The following WDR7 variants were observed in gnomAD, a reference collection of about 807,000 sequenced individuals.
The protein encoded by WDR7 is WD repeat domain 7.
Under a neutral mutation model 169.4 loss-of-function variants are expected in WDR7, and 46 were observed. The ratio of observed to expected loss-of-function variants is 0.27; its 90% CI spans 0.21 to 0.35. The LOEUF (loss-of-function observed/expected upper bound fraction) is 0.35. Ranked by LOEUF, WDR7 falls within the 10% of genes least tolerant of loss-of-function variation. The probability of loss-of-function intolerance (pLI) is 1.00; values close to 1 mark genes in which losing one functional copy is unlikely to be tolerated. For missense variants in WDR7, 1,534 were observed against 1,859.3 expected, an observed-to-expected ratio of 0.83 and a Z score of 3.22; for synonymous variants, 612 against 666.8, an observed-to-expected ratio of 0.92 and a Z score of 1.27.
At chr18:56,782,892 G>A (rs1385269318) in intron 19 of WDR7, among the ~76,000 whole-genome samples, 2 of 152,094 alleles carry the variant, frequency 1.3e-5, no homozygotes, top group African/African-American at 2.4e-5. Context: ...GATGATAATA[G>A]GACTTTATAG....
intron 26 of WDR7, among the ~76,000 whole-genome samples, chr18:56,976,613 A>G (rs940973464): frequency 2.6e-5 from 4 of 152,200 alleles, no homozygotes; most frequent in Admixed American, 2.6e-4. Flanking sequence ...CTTTGGCAGG[A>G]CCACCTCAGG....
At chr18:56,997,659 T>TA (rs1234718251) in intron 26 of WDR7, among the ~76,000 whole-genome samples, 2 of 152,210 alleles carry the variant, frequency 1.3e-5, no homozygotes, top group African/African-American at 4.8e-5. Context: ...TCACTCCTTG[T>TA]AAAAAATATA....
At chr18:56,798,093 T>C (rs2044614526) in intron 19 of WDR7, among the ~76,000 whole-genome samples, 1 of 152,206 alleles carries the variant, frequency 6.6e-6, no homozygotes, top group Non-Finnish European at 1.5e-5. Flanking sequence ...GATGATAATA[T>C]TTCCCTGGTT....
At chr18:56,944,662 C>T (rs1568279705) in intron 25 of WDR7, among the ~76,000 whole-genome samples, 2 of 152,246 alleles carry the variant, frequency 1.3e-5, no homozygotes, top group East Asian at 1.9e-4. Context: ...GTTAAAACTT[C>T]CGATGTCATC....
chr18:56,684,669 A>G (rs931787527), intron 5 of WDR7, among the ~76,000 whole-genome samples: 2 of 152,136 alleles, frequency 1.3e-5, no homozygotes, highest in Non-Finnish European at 2.9e-5. Context: ...GGAATAGTGG[A>G]TGCACTGGCT....
At chr18:56,968,340 A>G (rs1047717350) in intron 26 of WDR7, among the ~76,000 whole-genome samples, 1 of 152,202 alleles carries the variant, frequency 6.6e-6, no homozygotes, top group African/African-American at 2.4e-5. Context: ...TTAAAAATAT[A>G]ATATGACATG....
At chr18:56,827,075 G>A (rs770679968) in intron 20 of WDR7, among the ~76,000 whole-genome samples, 4 of 152,166 alleles carry the variant, frequency 2.6e-5, no homozygotes, top group Admixed American at 6.5e-5. Flanking sequence ...CGCTTATTGC[G>A]GAGGTGGAGA....
At chr18:56,881,008 C>T (rs967365780) in intron 21 of WDR7, among the ~76,000 whole-genome samples, 1 of 152,066 alleles carries the variant, frequency 6.6e-6, no homozygotes, top group Non-Finnish European at 1.5e-5. Context: ...GAACAAAATG[C>T]AATAGATCCT....
chr18:56,956,826 C>T (rs1026602635), intron 25 of WDR7, among the ~76,000 whole-genome samples: 2 of 152,078 alleles, frequency 1.3e-5, no homozygotes, highest in African/African-American at 4.8e-5. Flanking sequence ...CATGCATATC[C>T]TGCAGACTGT....
intron 13 of WDR7, among the ~76,000 whole-genome samples, chr18:56,728,595 A>G (rs1300438277): frequency 6.6e-6 from 1 of 152,080 alleles, no homozygotes. Context: ...AAAGCTGCCT[A>G]CCTGCATAGA....
intron 25 of WDR7, among the ~76,000 whole-genome samples, chr18:56,952,363 T>C (rs1224670260): frequency 6.6e-6 from 1 of 152,206 alleles, no homozygotes; most frequent in Non-Finnish European, 1.5e-5. Flanking sequence ...AATATTAAAA[T>C]TTTTGCGTAG....
chr18:56,792,337 A>G (rs1475440140), intron 19 of WDR7, among the ~76,000 whole-genome samples: 4 of 152,288 alleles, frequency 2.6e-5, no homozygotes, highest in South Asian at 2.1e-4. Context: ...CTAATGATAT[A>G]TAAGTGATCA....
chr18:56,825,675 CAT>C (rs923586645), intron 20 of WDR7, among the ~76,000 whole-genome samples: 2 of 152,104 alleles, frequency 1.3e-5, no homozygotes, highest in Admixed American at 1.3e-4. Flanking sequence ...AAAAGAAACA[CAT>C]ATATTATGAC....
chr18:56,988,509 C>T (rs1007018769), intron 26 of WDR7, among the ~76,000 whole-genome samples: 10 of 151,552 alleles, frequency 6.6e-5, no homozygotes, highest in African/African-American at 1.7e-4. Context: ...ATCAGTTGAA[C>T]ATGCAAGTAC....
intron 26 of WDR7, among the ~76,000 whole-genome samples, chr18:56,964,318 T>C (rs1047589270): frequency 6.6e-6 from 1 of 152,074 alleles, no homozygotes; most frequent in African/African-American, 2.4e-5. Context: ...ATATGTAATG[T>C]CATTCATATG....
intron 26 of WDR7, among the ~76,000 whole-genome samples, chr18:57,007,714 A>G (rs1234294657): frequency 2.0e-5 from 3 of 152,190 alleles, no homozygotes; most frequent in Admixed American, 2.0e-4. Context: ...ATAAAATATT[A>G]GATAAAATAT....
At chr18:56,740,919 C>T (rs887420344) in intron 14 of WDR7, among the ~76,000 whole-genome samples, 7 of 152,118 alleles carry the variant, frequency 4.6e-5, no homozygotes, top group African/African-American at 1.7e-4. Context: ...TTCTCTTTAG[C>T]CCCACAAGAC....
intron 1 of WDR7, among the ~76,000 whole-genome samples, chr18:56,665,420 A>T (rs1046695988): frequency 6.6e-6 from 1 of 152,034 alleles, no homozygotes; most frequent in African/African-American, 2.4e-5. Context: ...AAAACCCAAG[A>T]ATTTATCTTG....
intron 22 of WDR7, 45 bp downstream of exon 22, chr18:56,924,153 T>C (rs771640385): frequency 5.0e-6 from 8 of 1,599,092 alleles, no homozygotes; most frequent in African/African-American, 2.7e-5. Flanking sequence ...TGTTTTTTGT[T>C]TTAGGGGTTT....
Sources: allele counts gnomAD v4.1 joint callset (sites outside exome capture counted in the v4.1 genomes callset), GRCh38; gene constraint gnomAD v4.1.1; transcripts MANE v1.5; gene names NCBI Gene and HGNC (gene_info 2026-07-23, HGNC 2026-07-21).